The following NELFA variants were observed in gnomAD, a reference collection of about 807,000 sequenced individuals.
The protein encoded by NELFA is negative elongation factor A.
A neutral mutation model predicts 51.8 loss-of-function variants in NELFA; 35 were observed. The observed-to-expected ratio is 0.68, with a 90% CI of 0.52 to 0.90. NELFA has a LOEUF of 0.90. NELFA is among the 40% of genes least tolerant of loss of function. The probability of loss-of-function intolerance (pLI) is 0.00; values close to 1 mark genes in which losing one functional copy is unlikely to be tolerated. For missense variants in NELFA, 658 were observed against 746.4 expected, an observed-to-expected ratio of 0.88 and a Z score of 1.38; for synonymous variants, 417 against 338.4, an observed-to-expected ratio of 1.23 and a Z score of -2.55.
At chr4:2,008,249 G>A (rs960069397) in intron 1 of NELFA, among the ~76,000 whole-genome samples, 1 of 152,168 alleles carries the variant, frequency 6.6e-6, no homozygotes, top group African/African-American at 2.4e-5. Flanking sequence ...GCTTCGGCAC[G>A]GTGGGGGATT....
intron 2 of NELFA, 93 bp downstream of exon 2, chr4:1,991,451 A>G: frequency 7.5e-7 from 1 of 1,328,974 alleles, no homozygotes; most frequent in Non-Finnish European, 1.1e-6. Flanking sequence ...GGAAAAACGT[A>G]AAGGTCTAAA....
At chr4:1,997,128 AC>A (rs921879306) in intron 1 of NELFA, among the ~76,000 whole-genome samples, 18 of 152,232 alleles carry the variant, frequency 1.2e-4, no homozygotes, top group African/African-American at 4.1e-4. Flanking sequence ...AACAAAAAAA[AC>A]AAAACCCATA....
chr4:1,996,631 T>C (rs1257437853), intron 1 of NELFA, among the ~76,000 whole-genome samples: 1 of 152,214 alleles, frequency 6.6e-6, no homozygotes, highest in African/African-American at 2.4e-5. Context: ...GCTTCTGACA[T>C]TTAAAAAGAA....
chr4:1,992,223 T>C, intron 1 of NELFA: 1 of 233,782 alleles, frequency 4.3e-6, no homozygotes, highest in South Asian at 4.2e-5. Flanking sequence ...CCGTGACAGC[T>C]GAGCTGGTGC....
intron 1 of NELFA, among the ~76,000 whole-genome samples, chr4:2,002,556 C>A (rs1307266972): frequency 6.6e-6 from 1 of 152,128 alleles, no homozygotes; most frequent in Non-Finnish European, 1.5e-5. Flanking sequence ...TGGAGAAGAA[C>A]AGGGACCTCA....
chr4:2,002,064 G>T (rs1426613415), intron 1 of NELFA, among the ~76,000 whole-genome samples: 1 of 151,888 alleles, frequency 6.6e-6, no homozygotes, highest in East Asian at 1.9e-4. Context: ...GCCAGGCATG[G>T]TGGCGGGCGC....
chr4:2,004,219 C>G (rs1728648950), intron 1 of NELFA: 1 of 151,972 alleles, frequency 6.6e-6, no homozygotes, highest in African/African-American at 2.4e-5. Context: ...TGAAAGAAGT[C>G]AGGCACAAAA....
Position 1,986,389 on chromosome 4 carries a change from G to A in NELFA, c.648C>T (p.Gly216=), listed in dbSNP as rs142924150. The A allele has an allele frequency of 2.5e-4, 410 of 1,612,356 alleles. 1 individual carries two copies. Among genetic ancestry groups the A allele is most frequent in the Middle Eastern group, 3.3e-4 (2 of 6,058 alleles). Residue 216 remains glycine (G), a synonymous_variant, in exon 5 of 11, where the codon GGC becomes GGT. Transcript: ENST00000382882. Reference sequence around the variant, plus strand: ...TTCTGAAGGGCGCCTGCTTCGGGATGCCTTTGAGTGGGGCTGGAGGACGGC... The same window carrying A: ...TTCTGAAGGGCGCCTGCTTCGGGATACCTTTGAGTGGGGCTGGAGGACGGC... ...RKMDTTTPLK[G]IPKQAPFRSP... is the part of the protein sequence containing the mutation.
rs187606853 is a variant in NELFA, at chr4:1,993,440, G to A, written c.211-1725C>T. Among the ~76,000 whole-genome samples, 11 of 152,230 alleles carry A rather than the reference G, an allele frequency of 7.2e-5. No individual in the cohort carries two copies. The East Asian group carries it at 2.1e-3, about 30-fold the overall frequency. ...ACTAAAAATACAAAATTAGCCGGGC[G>A]TGGTAGCGCATTCCTGTAATCCCAG... On this transcript the variant is annotated intron_variant, in intron 1 of 10. Coordinates refer to ENST00000382882, the MANE Select transcript of NELFA (RefSeq NM_005663.5).
Position 1,983,151 on chromosome 4 carries a change from A to G in NELFA, c.*168T>C. Reference sequence around the variant, plus strand: ...TATTAAAATTTTAAAAATAAGCCCCAAATACCCCAGAGAAATGCATCCAGA... The same window carrying G: ...TATTAAAATTTTAAAAATAAGCCCCGAATACCCCAGAGAAATGCATCCAGA... On this transcript the variant is annotated 3_prime_UTR_variant, in exon 11 of 11. Coordinates refer to ENST00000382882, the MANE Select transcript of NELFA (RefSeq NM_005663.5). 3.6e-6 allele frequency: 2 copies of G among 560,908 alleles called. No individual in the cohort carries two copies. The highest frequency in any genetic ancestry group is 6.0e-6 in the Non-Finnish European group (2 of 334,708). The allele number at this position is 560,908 out of a possible 1,614,324, so 34.7% of individuals were successfully genotyped here.
Position 1,989,564 on chromosome 4 carries a change from C to A in NELFA, c.544+144G>T. On this transcript the variant is annotated intron_variant, in intron 3 of 10. Coordinates refer to ENST00000382882, the MANE Select transcript of NELFA (RefSeq NM_005663.5). This position sits in a 1 kb window ranked among gnomAD's most constrained non-coding sequence, Gnocchi z 4.8. Reference sequence around the variant, plus strand: ...AAACTCCTGGGCTCAAACGACCCACCTGCCCCAGCCTCCCAACAGGTGTGA... The same window carrying A: ...AAACTCCTGGGCTCAAACGACCCACATGCCCCAGCCTCCCAACAGGTGTGA... 1.1e-6 allele frequency: 1 copy of A among 880,964 alleles called. No homozygotes were observed. Among genetic ancestry groups the A allele is most frequent in the South Asian group, 1.8e-5 (1 of 56,544 alleles). 54.6% of individuals were successfully genotyped at this position (880,964 alleles called of 1,614,324 possible).
rs200573084 is a variant in NELFA, at chr4:1,984,853, C to G, written c.991G>C (p.Val331Leu). Residue 331 changes from valine to leucine, a missense_variant, in exon 8 of 11, where the codon GTG becomes CTG. By Grantham distance (32) the Val-to-Leu change is conservative (BLOSUM62 1). Transcript: ENST00000382882. ...STSYLPSTPS[V>L]VPASSYIPSS... ...GGGATGTAGGAGGAGGCGGGAACCA[C>G]GCTGGGCGTGGAGGGAAGGTAGCTC... 9.5e-6 allele frequency: 15 copies of G among 1,577,414 alleles called. No homozygotes were observed. The highest frequency in any genetic ancestry group is 3.6e-5 in the Admixed American group (2 of 55,068).
At chr4:1,987,058 G>A (rs749066331) in intron 4 of NELFA, among the ~76,000 whole-genome samples, 14 of 152,118 alleles carry the variant, frequency 9.2e-5, no homozygotes, top group South Asian at 4.1e-4. Flanking sequence ...CCTCGGCTGC[G>A]GTGGGCAGGA....
chr4:1,983,678 A>G lies in NELFA; in HGVS notation c.1320T>C (p.Ala440=), dbSNP rs776536812. ...NLSLTREQMF[A]AQEMFKTANK... The stretch of plus-strand genomic sequence containing the variant: ...TGGCCGTCTTGAACATCTCCTGGGC[A>G]GCGAACATCTGCTCTCTCTACAGCG... The change falls in exon 10 of 11, where the codon GCT becomes GCC. Residue 440 remains alanine, a synonymous_variant. Coordinates refer to ENST00000382882, the MANE Select transcript of NELFA (RefSeq NM_005663.5). 3.7e-6 allele frequency: 6 copies of G among 1,614,022 alleles called. No homozygotes were observed. Among genetic ancestry groups the G allele is most frequent in the Non-Finnish European group, 4.2e-6 (5 of 1,179,992 alleles).
intron 6 of NELFA, 108 bp downstream of exon 6, chr4:1,986,006 G>A (rs1728080377): frequency 7.2e-7 from 1 of 1,387,888 alleles, no homozygotes; most frequent in East Asian, 2.5e-5. Flanking sequence ...ACGGAGAGCA[G>A]CCTCACGGGG....
At chr4:1,990,334 T>A in intron 2 of NELFA, 1 of 453,806 alleles carries the variant, frequency 2.2e-6, no homozygotes, top group Non-Finnish European at 4.4e-6. Context: ...TTCCTCAGCC[T>A]GTGTGCTCAC....
chr4:2,002,125 G>A (rs1363735666), intron 1 of NELFA, among the ~76,000 whole-genome samples: 16 of 151,772 alleles, frequency 1.1e-4, no homozygotes, highest in Non-Finnish European at 1.8e-4. Flanking sequence ...GCGTGAACCC[G>A]GGAGGCGGAG....
rs755045477 is a variant in NELFA, at chr4:1,987,618, C to T, written c.634+300G>A. 8.7e-5 allele frequency: 35 copies of T among 402,244 alleles called. No individual in the cohort carries two copies. In the Admixed American group the frequency reaches 9.0e-4, roughly 10 times the overall value. The allele number at this position is 402,244 out of a possible 1,614,324, so 24.9% of individuals were successfully genotyped here. On this transcript the variant is annotated intron_variant, in intron 4 of 10. Transcript: ENST00000382882. ...AGGGGCCAGCACTGTCCTCAGATCC[C>T]GGCCTTCCTGTCTCCATGCCCAGCG... is the stretch of plus-strand genomic sequence containing the variant.
At chr4:1,986,649 C>G (rs930571581) in intron 4 of NELFA, 3 of 504,406 alleles carry the variant, frequency 5.9e-6, no homozygotes, top group Non-Finnish European at 1.1e-5. Context: ...GCCACAGGAT[C>G]TCACCAGGTG....
Sources: allele counts gnomAD v4.1 joint callset (sites outside exome capture counted in the v4.1 genomes callset), GRCh38; gene constraint gnomAD v4.1.1; non-coding constraint Gnocchi (gnomAD v3.1); transcripts MANE v1.5; gene names NCBI Gene and HGNC (gene_info 2026-07-23, HGNC 2026-07-21).